The following ZNF148 variants were observed in gnomAD, a reference collection of about 807,000 sequenced individuals.
The protein encoded by ZNF148 is Beta-Enolase Repressor Factor-1.
A neutral mutation model predicts 67.7 loss-of-function variants in ZNF148; 7 were observed. That is an observed-to-expected ratio of 0.10 (90% confidence interval 0.06 to 0.19). ZNF148 has a LOEUF of 0.19. Among genes scored for constraint, ZNF148 ranks in the 10% least tolerant of loss-of-function variants. The probability of loss-of-function intolerance (pLI) is 1.00; values close to 1 mark genes in which losing one functional copy is unlikely to be tolerated. For missense variants in ZNF148, 583 were observed against 947.1 expected (o/e 0.62, Z 5.05); for synonymous variants, 333 against 330.7 (o/e 1.01, Z -0.08).
chr3:125,301,520 T>G (rs542638359), intron 4 of ZNF148, among the ~76,000 whole-genome samples: 2 of 152,166 alleles, frequency 1.3e-5, no homozygotes. Context: ...AGAACTTAAA[T>G]AATTTTAAAA....
chr3:125,316,113 G>A (rs1436086288), intron 3 of ZNF148, among the ~76,000 whole-genome samples: 1 of 152,012 alleles, frequency 6.6e-6, no homozygotes, highest in African/African-American at 2.4e-5. Context: ...GTCTTTCTGT[G>A]CCTGGCTTAT....
intron 7 of ZNF148, among the ~76,000 whole-genome samples, chr3:125,271,499 G>A (rs533356115): frequency 6.6e-6 from 1 of 152,286 alleles, no homozygotes; most frequent in South Asian, 2.1e-4. Context: ...ATGTCACTTC[G>A]AAATTTCCTT....
chr3:125,281,459 T>C (rs1320450399), intron 5 of ZNF148, among the ~76,000 whole-genome samples: 1 of 152,220 alleles, frequency 6.6e-6, no homozygotes, highest in Non-Finnish European at 1.5e-5. Context: ...GGTATTTTTT[T>C]TCATGTATGT....
intron 7 of ZNF148, among the ~76,000 whole-genome samples, chr3:125,245,265 T>C (rs1432953560): frequency 6.6e-6 from 1 of 152,180 alleles, no homozygotes; most frequent in East Asian, 1.9e-4. Context: ...GAGAGGTGAC[T>C]GGATCATGGG....
intron 1 of ZNF148, among the ~76,000 whole-genome samples, chr3:125,359,903 G>A (rs1435657589): frequency 6.6e-6 from 1 of 152,142 alleles, no homozygotes; most frequent in Non-Finnish European, 1.5e-5. Context: ...GCAGCTCCAC[G>A]CCGCTGCTCC....
intron 1 of ZNF148, among the ~76,000 whole-genome samples, chr3:125,350,585 T>C (rs1942110095): frequency 6.6e-6 from 1 of 152,232 alleles, no homozygotes; most frequent in Admixed American, 6.5e-5. Flanking sequence ...GGTTTCAGGA[T>C]GAAACTGTTC....
intron 1 of ZNF148, among the ~76,000 whole-genome samples, chr3:125,354,159 A>G (rs1381084919): frequency 6.6e-6 from 1 of 152,088 alleles, no homozygotes; most frequent in Non-Finnish European, 1.5e-5. Flanking sequence ...AATTTCTTAC[A>G]TAAAATTTAA....
intron 1 of ZNF148, among the ~76,000 whole-genome samples, chr3:125,342,726 T>C (rs1218800907): frequency 1.3e-5 from 2 of 152,064 alleles, no homozygotes; most frequent in East Asian, 1.9e-4. Flanking sequence ...AACGGAAATA[T>C]AGGTATAAAC....
At chr3:125,265,478 T>C (rs1937513776) in intron 7 of ZNF148, among the ~76,000 whole-genome samples, 1 of 152,236 alleles carries the variant, frequency 6.6e-6, no homozygotes, top group Non-Finnish European at 1.5e-5. Context: ...CAGGTTCCTA[T>C]AAGTCCATTG....
At chr3:125,246,489 C>T (rs560700155) in intron 7 of ZNF148, among the ~76,000 whole-genome samples, 29 of 145,854 alleles carry the variant, frequency 2.0e-4, no homozygotes, top group African/African-American at 2.8e-4. Flanking sequence ...TAAACTTCTA[C>T]GACTTTATAT....
chr3:125,355,191 T>C (rs909695711), intron 1 of ZNF148, among the ~76,000 whole-genome samples: 2 of 152,180 alleles, frequency 1.3e-5, no homozygotes, highest in Admixed American at 6.5e-5. Flanking sequence ...AATGACAACA[T>C]TGGAAAAAGA....
chr3:125,306,815 G>C (rs1279758892), intron 4 of ZNF148, among the ~76,000 whole-genome samples: 5 of 152,038 alleles, frequency 3.3e-5, no homozygotes, highest in Non-Finnish European at 5.9e-5. Flanking sequence ...AGCTGTGACT[G>C]TGACCCTGCA....
At chr3:125,368,931 A>G (rs1301041658) in intron 1 of ZNF148, among the ~76,000 whole-genome samples, 1 of 138,084 alleles carries the variant, frequency 7.2e-6, no homozygotes, top group Non-Finnish European at 1.5e-5. Context: ...GGTGACAGAG[A>G]GAGGCTCCAT....
chr3:125,326,448 A>G (rs1307401793), intron 2 of ZNF148, among the ~76,000 whole-genome samples: 1 of 151,908 alleles, frequency 6.6e-6, no homozygotes, highest in Non-Finnish European at 1.5e-5. Flanking sequence ...TAAAATGCAT[A>G]ATCCTGACAG....
intron 5 of ZNF148, among the ~76,000 whole-genome samples, chr3:125,280,001 A>C (rs1938292368): frequency 6.6e-6 from 1 of 152,172 alleles, no homozygotes; most frequent in Admixed American, 6.5e-5. Flanking sequence ...TTACTAAAAA[A>C]AAAAGAGAAC....
At chr3:125,278,481 G>A (rs888856721) in intron 6 of ZNF148, among the ~76,000 whole-genome samples, 2 of 152,084 alleles carry the variant, frequency 1.3e-5, no homozygotes, top group Non-Finnish European at 2.9e-5. Flanking sequence ...CTTATACTCT[G>A]CTTTCTGAAA....
chr3:125,249,850 A>C (rs1459185403), intron 7 of ZNF148, among the ~76,000 whole-genome samples: 1 of 152,206 alleles, frequency 6.6e-6, no homozygotes, highest in Non-Finnish European at 1.5e-5. Flanking sequence ...TTCAGCTTAA[A>C]AAAGGAAAGC....
In ZNF148 at chr3:125,312,812, G is replaced by A. The variant is rs949015114; in HGVS notation, c.333+496C>T. ...GTGCTTATGAAACATCTTAAATGACGTCTGAGGTAGATAGGAAAGAGTAAA... is the reference window on the plus strand; with the variant it reads ...GTGCTTATGAAACATCTTAAATGACATCTGAGGTAGATAGGAAAGAGTAAA... On this transcript the variant is annotated intron_variant, in intron 4 of 8. Transcript: ENST00000360647. Among the ~76,000 whole-genome samples, 8 of 152,228 alleles carry A rather than the reference G, an allele frequency of 5.3e-5. No individual in the cohort carries two copies. In the East Asian group the frequency reaches 1.2e-3, roughly 22 times the overall value.
intron 7 of ZNF148, among the ~76,000 whole-genome samples, chr3:125,267,875 TA>T (rs1305408154): frequency 2.6e-5 from 4 of 152,060 alleles, no homozygotes; most frequent in African/African-American, 9.7e-5. Flanking sequence ...ACAATTTCAG[TA>T]AAGTTTCAGG....
Sources: gnomAD v4.1 joint callset for allele counts (sites outside exome capture counted in the v4.1 genomes callset) on GRCh38, gnomAD v4.1.1 for gene constraint, MANE v1.5 for transcripts, NCBI Gene and HGNC (gene_info 2026-07-23, HGNC 2026-07-21) for gene names.